Variants in CEP126 observed in about 807,000 individuals in gnomAD.
The protein encoded by CEP126 is centrosomal protein 126.
Under a neutral mutation model 107.8 loss-of-function variants are expected in CEP126, and 74 were observed. The ratio of observed to expected loss-of-function variants is 0.69; its 90% confidence interval spans 0.57 to 0.83. CEP126 has a LOEUF of 0.83. Ranked by LOEUF, CEP126 falls within the 40% of genes least tolerant of loss-of-function variation. CEP126 has a pLI of 0.00. For synonymous variants in CEP126, 449 were observed against 446.0 expected (o/e 1.01, Z -0.08); for missense variants, 1,237 against 1,281.9 (o/e 0.96, Z 0.53).
At chr11:101,928,255 A>G (rs1940440141) in intron 2 of CEP126, among the ~76,000 whole-genome samples, 1 of 152,142 alleles carries the variant, frequency 6.6e-6, no homozygotes, top group African/African-American at 2.4e-5. Context: ...CATATATTCT[A>G]GATACTAGTC....
At chr11:101,929,382 G>T (rs1940459155) in intron 2 of CEP126, among the ~76,000 whole-genome samples, 1 of 152,118 alleles carries the variant, frequency 6.6e-6, no homozygotes, top group Non-Finnish European at 1.5e-5. Context: ...GCTCTAGCAG[G>T]GGAAGAAAGG....
intron 1 of CEP126, among the ~76,000 whole-genome samples, chr11:101,920,605 CT>C (rs5794145): frequency 0.033 from 4,630 of 141,352 alleles, 81 homozygotes; most frequent in African/African-American, 0.058. Context: ...ATTCAATGAA[CT>C]TTTTTTTTTT....
At chr11:101,935,701 C>T (rs1307093952) in intron 2 of CEP126, among the ~76,000 whole-genome samples, 5 of 151,986 alleles carry the variant, frequency 3.3e-5, no homozygotes, top group Admixed American at 2.6e-4. Flanking sequence ...ACTACATTGA[C>T]TTGATTATTG....
At chr11:101,974,328 G>T (rs895440878) in intron 6 of CEP126, among the ~76,000 whole-genome samples, 2 of 152,088 alleles carry the variant, frequency 1.3e-5, no homozygotes, top group African/African-American at 4.8e-5. Context: ...GAGAGGAGAG[G>T]TTCAGTCTAA....
chr11:101,944,197 C>T (rs902295702), intron 2 of CEP126, 68 bp from the exon 3 acceptor site: 24 of 1,327,578 alleles, frequency 1.8e-5, no homozygotes, highest in Middle Eastern at 2.7e-4. Flanking sequence ...ATAATAAATG[C>T]GTCATTTTGA....
intron 2 of CEP126, among the ~76,000 whole-genome samples, chr11:101,941,334 A>G (rs973720193): frequency 2.0e-5 from 3 of 151,950 alleles, no homozygotes; most frequent in African/African-American, 7.3e-5. Flanking sequence ...CCCCCATTCT[A>G]CTTTCTGTCT....
chr11:101,960,921 G>T (rs1565360677), intron 5 of CEP126, among the ~76,000 whole-genome samples: 1 of 151,960 alleles, frequency 6.6e-6, no homozygotes, highest in South Asian at 2.1e-4. Flanking sequence ...CTAGGTATGT[G>T]TGAGAAAACA....
At chr11:101,917,624 G>C (rs546821673) in intron 1 of CEP126, among the ~76,000 whole-genome samples, 7 of 149,366 alleles carry the variant, frequency 4.7e-5, no homozygotes, top group African/African-American at 1.7e-4. Flanking sequence ...AAAAAAGGAA[G>C]GTCTCTCATG....
At chr11:101,924,144 G>T (rs888094044) in intron 2 of CEP126, among the ~76,000 whole-genome samples, 2 of 152,254 alleles carry the variant, frequency 1.3e-5, no homozygotes, top group East Asian at 3.9e-4. Flanking sequence ...AAAATTCTAA[G>T]AGGCAGGACA....
At chr11:101,966,345 C>T (rs994008981) in intron 6 of CEP126, among the ~76,000 whole-genome samples, 4 of 152,102 alleles carry the variant, frequency 2.6e-5, no homozygotes, top group African/African-American at 7.2e-5. Context: ...GTTCAGTGAG[C>T]ATTTGTGGGA....
At chr11:101,990,077 T>C (rs537812171) in intron 9 of CEP126, among the ~76,000 whole-genome samples, 2 of 149,048 alleles carry the variant, frequency 1.3e-5, no homozygotes, top group East Asian at 3.9e-4. Context: ...ATATTAGAAA[T>C]TGTTTAAATT....
intron 2 of CEP126, among the ~76,000 whole-genome samples, chr11:101,924,438 C>CTG (rs34042050): frequency 0.39 from 58,411 of 149,282 alleles, 11,421 homozygotes; most frequent in East Asian, 0.5. Flanking sequence ...TGTTTTGGGG[C>CTG]TGTGTGTGTG....
chr11:101,965,690 G>A (rs1311043490), intron 6 of CEP126, among the ~76,000 whole-genome samples: 2 of 152,050 alleles, frequency 1.3e-5, no homozygotes, highest in Non-Finnish European at 2.9e-5. Context: ...TGAGTTTGTA[G>A]CTTGTACCAG....
chr11:101,956,067 C>T, intron 4 of CEP126: 1 of 456,646 alleles, frequency 2.2e-6, no homozygotes, highest in South Asian at 1.5e-5. Context: ...AGCAGTTTCC[C>T]TCGTCTACCA....
chr11:101,967,609 A>G (rs1420159208), intron 6 of CEP126, among the ~76,000 whole-genome samples: 1 of 152,100 alleles, frequency 6.6e-6, no homozygotes, highest in African/African-American at 2.4e-5. Flanking sequence ...TCCTCCCCAA[A>G]TATCTGATTT....
At chr11:101,990,453 C>G (rs1941365220) in intron 9 of CEP126, among the ~76,000 whole-genome samples, 1 of 152,136 alleles carries the variant, frequency 6.6e-6, no homozygotes, top group Non-Finnish European at 1.5e-5. Context: ...AAGCCTCTAC[C>G]CCTGGAAGAG....
intron 4 of CEP126, among the ~76,000 whole-genome samples, chr11:101,951,285 A>G (rs574951500): frequency 1.3e-5 from 2 of 152,186 alleles, no homozygotes; most frequent in African/African-American, 2.4e-5. Flanking sequence ...AGGAGAATCA[A>G]TTAAGGCCAG....
At position 101,999,677 on chromosome 11, in the gene CEP126, A is replaced by G. The variant is rs1941484822; in HGVS notation, c.*2034A>G. On this transcript the variant is annotated 3_prime_UTR_variant, in exon 11 of 11. Transcript: ENST00000263468. Reference sequence around the variant, plus strand: ...ACAGGGTGGGTTCATTAAGAGTGATAAAAGTGGGAAGACATAAAGAGCCTT... The same window carrying G: ...ACAGGGTGGGTTCATTAAGAGTGATGAAAGTGGGAAGACATAAAGAGCCTT... 1 of 152,190 alleles carries G rather than the reference A, an allele frequency of 6.6e-6. No individual in the cohort carries two copies. The highest frequency in any genetic ancestry group is 2.4e-5 in the African/African-American group (1 of 41,444). The allele number at this position is 152,190 out of a possible 1,614,324, so 9.4% of individuals were successfully genotyped here.
At chr11:101,954,439 C>T (rs752876653) in intron 4 of CEP126, among the ~76,000 whole-genome samples, 3 of 152,172 alleles carry the variant, frequency 2.0e-5, no homozygotes, top group Non-Finnish European at 4.4e-5. Flanking sequence ...GTCAGAACAA[C>T]TTTGCTTTCC....
Sources: gnomAD v4.1 joint callset for allele counts (sites outside exome capture counted in the v4.1 genomes callset) on GRCh38, gnomAD v4.1.1 for gene constraint, MANE v1.5 for transcripts, NCBI Gene and HGNC (gene_info 2026-07-23, HGNC 2026-07-21) for gene names.